The following ZBTB16 variants were observed in gnomAD, a reference collection of about 807,000 sequenced individuals.
ZBTB16 encodes zinc finger and BTB domain-containing protein 16.
In ZBTB16, 8 loss-of-function variants were observed where a neutral mutation model predicts 56.8. The ratio of observed to expected loss-of-function variants is 0.14; its 90% CI spans 0.08 to 0.25. ZBTB16 has a LOEUF of 0.25. Ranked by LOEUF, ZBTB16 falls within the 10% of genes least tolerant of loss-of-function variation. ZBTB16 has a pLI of 1.00. For missense variants in ZBTB16, 625 were observed against 903.0 expected (o/e 0.69, Z 3.95); for synonymous variants, 363 against 368.5 (o/e 0.98, Z 0.17).
At chr11:114,212,927 G>C (rs1263831558) in intron 4 of ZBTB16, among the ~76,000 whole-genome samples, 2 of 151,898 alleles carry the variant, frequency 1.3e-5, no homozygotes, top group East Asian at 3.9e-4. Flanking sequence ...GAAAATGCCG[G>C]CACCCCTCCC....
intron 4 of ZBTB16, among the ~76,000 whole-genome samples, chr11:114,207,382 T>C (rs907074832): frequency 6.6e-6 from 1 of 152,096 alleles, no homozygotes; most frequent in Non-Finnish European, 1.5e-5. Flanking sequence ...GTTTTGAATT[T>C]CCAGATGGGA....
At position 114,169,403 on chromosome 11, in the gene ZBTB16, G is replaced by A. The variant is rs371350098; in HGVS notation, c.1366+12969G>A. On this transcript the variant is annotated intron_variant, in intron 3 of 6. Transcript: ENST00000335953. ...TGACAGCCTCATCTTCCCCAGGCAC[G>A]CGCTGGGGATGCTGGAGCTTTCTCT... Among the ~76,000 whole-genome samples, 14 of 152,264 alleles carry A rather than the reference G, an allele frequency of 9.2e-5. No homozygotes were observed. The East Asian group carries it at 9.7e-4, about 11-fold the overall frequency.
chr11:114,160,083 G>C (rs551677991), intron 3 of ZBTB16, among the ~76,000 whole-genome samples: 2 of 152,130 alleles, frequency 1.3e-5, no homozygotes, highest in South Asian at 2.1e-4. Flanking sequence ...CAGCAGAGCC[G>C]AACGGCTCTC....
At chr11:114,082,944 AC>A (rs1033865565) in intron 2 of ZBTB16, among the ~76,000 whole-genome samples, 13 of 152,320 alleles carry the variant, frequency 8.5e-5, no homozygotes, top group Admixed American at 2.6e-4. Context: ...TCGTAGCACT[AC>A]GCAATGTCTG....
At chr11:114,226,894 A>G (rs960320113) in intron 4 of ZBTB16, among the ~76,000 whole-genome samples, 2 of 152,098 alleles carry the variant, frequency 1.3e-5, no homozygotes, top group African/African-American at 4.8e-5. Flanking sequence ...TTATCATATC[A>G]TATTCCTCTC....
intron 2 of ZBTB16, among the ~76,000 whole-genome samples, chr11:114,092,992 A>T (rs1940246202): frequency 6.6e-6 from 1 of 152,328 alleles, no homozygotes; most frequent in African/African-American, 2.4e-5. Flanking sequence ...GTGAAAACAC[A>T]CACACACCAC....
chr11:114,216,481 G>C (rs1025337034), intron 4 of ZBTB16, among the ~76,000 whole-genome samples: 2 of 152,212 alleles, frequency 1.3e-5, no homozygotes, highest in Non-Finnish European at 2.9e-5. Flanking sequence ...GACAAGGACA[G>C]GGGGAGGGGC....
chr11:114,161,095 C>G (rs913335605), intron 3 of ZBTB16, among the ~76,000 whole-genome samples: 1 of 152,118 alleles, frequency 6.6e-6, no homozygotes, highest in African/African-American at 2.4e-5. Flanking sequence ...TGTCGTAACA[C>G]GAGAAGTGAT....
chr11:114,230,073 G>A lies in ZBTB16; in HGVS notation c.1454-12094G>A, dbSNP rs1381756657. Among the ~76,000 whole-genome samples the A allele has an allele frequency of 2.6e-5, 4 of 152,172 alleles. No individual in the cohort carries two copies. In the East Asian group the frequency reaches 7.7e-4, roughly 29 times the overall value. Reference sequence around the variant, plus strand: ...TGGTGGTCCCGCCCTCTCGGTTGAAGCCCAGGTTGGGGCAGTGGGTGTGTC... The same window carrying A: ...TGGTGGTCCCGCCCTCTCGGTTGAAACCCAGGTTGGGGCAGTGGGTGTGTC... On this transcript the variant is annotated intron_variant, in intron 4 of 6. Transcript: ENST00000335953.
In ZBTB16 at chr11:114,139,626, CGTGTGTGTGT is replaced by C. The variant is rs750514241; in HGVS notation, c.1269-16682_1269-16673del. On this transcript the variant is annotated intron_variant, in intron 2 of 6. Coordinates refer to ENST00000335953, the MANE Select transcript of ZBTB16 (RefSeq NM_006006.6). The stretch of plus-strand genomic sequence containing the variant: ...TGTGTGGGTATGTGCCCGCGGTCCA[CGTGTGTGTGT>C]GTGTGTGTGTGTGTGTGTGTGTGTG... Among the ~76,000 whole-genome samples, 17 of 138,638 alleles carry C rather than the reference CGTGTGTGTGT, an allele frequency of 1.2e-4. No individual in the cohort carries two copies. In the South Asian group the frequency reaches 2.6e-3, roughly 21 times the overall value. 91.0% of individuals were successfully genotyped at this position (138,638 alleles called of 152,430 possible). A position where few individuals can be genotyped will look rare whatever the true frequency, so the allele number is the denominator to read the frequency against.
chr11:114,207,590 A>AACACAC (rs66489516), intron 4 of ZBTB16, among the ~76,000 whole-genome samples: 5,064 of 143,628 alleles, frequency 0.035, 96 homozygotes, highest in South Asian at 0.052. Flanking sequence ...ACACACACAC[A>AACACAC]ACACACACAC....
chr11:114,091,776 C>G (rs1178814225), intron 2 of ZBTB16, among the ~76,000 whole-genome samples: 1 of 152,110 alleles, frequency 6.6e-6, no homozygotes, highest in Non-Finnish European at 1.5e-5. Flanking sequence ...CTCCCCTTCC[C>G]CTTGTTTTTG....
intron 2 of ZBTB16, among the ~76,000 whole-genome samples, chr11:114,149,101 G>A (rs973875326): frequency 2.6e-5 from 4 of 152,120 alleles, no homozygotes. Flanking sequence ...ACAGACCCAT[G>A]TCAGCCCCAC....
intron 4 of ZBTB16, among the ~76,000 whole-genome samples, chr11:114,190,447 A>G (rs1406078624): frequency 6.6e-6 from 1 of 152,124 alleles, no homozygotes; most frequent in African/African-American, 2.4e-5. Flanking sequence ...CTAATATAAA[A>G]CCTATTTTAT....
chr11:114,212,588 T>C (rs1485930671), intron 4 of ZBTB16, among the ~76,000 whole-genome samples: 4 of 152,204 alleles, frequency 2.6e-5, no homozygotes, highest in Admixed American at 6.5e-5. Flanking sequence ...AGCTACACAG[T>C]TGCGGAGTCA....
intron 4 of ZBTB16, among the ~76,000 whole-genome samples, chr11:114,194,056 T>C (rs1356596781): frequency 6.6e-6 from 1 of 152,164 alleles, no homozygotes; most frequent in African/African-American, 2.4e-5. Flanking sequence ...TTAGAGGTCA[T>C]TGAGTTCATG....
chr11:114,101,901 A>G (rs1940621871), intron 2 of ZBTB16, among the ~76,000 whole-genome samples: 1 of 152,230 alleles, frequency 6.6e-6, no homozygotes, highest in African/African-American at 2.4e-5. Flanking sequence ...AAAGAAACTG[A>G]TGGTATCCCA....
At chr11:114,138,606 AT>A (rs1393131354) in intron 2 of ZBTB16, among the ~76,000 whole-genome samples, 2 of 152,080 alleles carry the variant, frequency 1.3e-5, no homozygotes, top group African/African-American at 2.4e-5. Context: ...TCTGCCCTGC[AT>A]TTAGTAGGCA....
chr11:114,171,208 T>G (rs993662660), intron 3 of ZBTB16, among the ~76,000 whole-genome samples: 2 of 152,248 alleles, frequency 1.3e-5, no homozygotes, highest in African/African-American at 4.8e-5. Flanking sequence ...GGCCGAATGA[T>G]ACTCTCTGTC....
Sources: gnomAD v4.1 joint callset for allele counts (sites outside exome capture counted in the v4.1 genomes callset) on GRCh38, gnomAD v4.1.1 for gene constraint, MANE v1.5 for transcripts, NCBI Gene and HGNC (gene_info 2026-07-23, HGNC 2026-07-21) for gene names.